Variants in TAFA1 observed in about 807,000 individuals in gnomAD.
The protein encoded by TAFA1 is TAFA chemokine like family member 1, also known as chemokine-like protein TAFA-1.
In TAFA1, 4 loss-of-function variants were observed where a neutral mutation model predicts 18.5. The observed-to-expected ratio is 0.22, with a 90% CI of 0.11 to 0.49. TAFA1 has a LOEUF of 0.49. Ranked by LOEUF, TAFA1 falls within the 20% of genes least tolerant of loss-of-function variation. The pLI is 0.98. For synonymous variants in TAFA1, 56 were observed against 55.2 expected (o/e 1.01, Z -0.06); for missense variants, 147 against 169.0 (o/e 0.87, Z 0.72).
chr3:68,438,718 C>A (rs1164763240), intron 3 of TAFA1, among the ~76,000 whole-genome samples: 1 of 152,164 alleles, frequency 6.6e-6, no homozygotes, highest in East Asian at 1.9e-4. Context: ...TCTTTGAAAT[C>A]TAGGTGAAGG....
At chr3:68,259,149 A>T (rs2067357546) in intron 2 of TAFA1, among the ~76,000 whole-genome samples, 1 of 152,124 alleles carries the variant, frequency 6.6e-6, no homozygotes, top group Non-Finnish European at 1.5e-5. Context: ...GGTCTTTGGG[A>T]CTGCATTTTG....
At chr3:68,060,105 G>A (rs2064583294) in intron 2 of TAFA1, among the ~76,000 whole-genome samples, 2 of 152,166 alleles carry the variant, frequency 1.3e-5, no homozygotes, top group Non-Finnish European at 2.9e-5. Flanking sequence ...AAAAAACTGG[G>A]AAGGAAAATT....
At chr3:68,159,217 T>G (rs2065898551) in intron 2 of TAFA1, among the ~76,000 whole-genome samples, 1 of 152,174 alleles carries the variant, frequency 6.6e-6, no homozygotes, top group South Asian at 2.1e-4. Context: ...GGAGCCCCAT[T>G]CTGAGATCAG....
intron 2 of TAFA1, among the ~76,000 whole-genome samples, chr3:68,358,273 A>G (rs2069401752): frequency 6.6e-6 from 1 of 151,894 alleles, no homozygotes; most frequent in African/African-American, 2.4e-5. Flanking sequence ...TTTTTTTTAT[A>G]TCCTGGAGAT....
At chr3:68,355,054 T>A (rs1487436978) in intron 2 of TAFA1, among the ~76,000 whole-genome samples, 1 of 151,974 alleles carries the variant, frequency 6.6e-6, no homozygotes, top group African/African-American at 2.4e-5. Context: ...GGTGTGAAAT[T>A]TCTGGACAAG....
chr3:68,173,464 C>T (rs778220204), intron 2 of TAFA1, among the ~76,000 whole-genome samples: 24 of 152,110 alleles, frequency 1.6e-4, no homozygotes, highest in Non-Finnish European at 3.4e-4. Flanking sequence ...ACAACTTTGA[C>T]ATTATGTCTG....
intron 2 of TAFA1, among the ~76,000 whole-genome samples, chr3:68,144,320 A>G (rs1189827524): frequency 6.6e-6 from 1 of 152,052 alleles, no homozygotes. Flanking sequence ...CATACTATTT[A>G]TCTGATGGTT....
chr3:68,118,260 C>T (rs1453015650), intron 2 of TAFA1, among the ~76,000 whole-genome samples: 1 of 152,138 alleles, frequency 6.6e-6, no homozygotes, highest in Non-Finnish European at 1.5e-5. Flanking sequence ...TCTCAAGGAG[C>T]ACACAACCTA....
intron 2 of TAFA1, among the ~76,000 whole-genome samples, chr3:68,241,596 G>A (rs2067001224): frequency 6.6e-6 from 1 of 152,076 alleles, no homozygotes; most frequent in Non-Finnish European, 1.5e-5. Context: ...ACTTCCCATG[G>A]TGCCTTGGGA....
At chr3:68,221,330 G>A (rs527724388) in intron 2 of TAFA1, among the ~76,000 whole-genome samples, 27 of 152,206 alleles carry the variant, frequency 1.8e-4, no homozygotes, top group African/African-American at 6.5e-4. Flanking sequence ...GTCTAAAAAG[G>A]GGGGGATGGG....
chr3:68,366,476 T>C (rs1052495098), intron 2 of TAFA1, among the ~76,000 whole-genome samples: 13 of 152,198 alleles, frequency 8.5e-5, no homozygotes, highest in African/African-American at 2.9e-4. Context: ...CATTACACAA[T>C]GTAGTGTTGA....
rs545029932 is a variant in TAFA1 at position 68,029,610 on chromosome 3, A to T, written c.118+22866A>T. 7.9e-5 allele frequency among the ~76,000 whole-genome samples: 12 copies of T among 152,342 alleles called. No individual in the cohort carries two copies. The East Asian group carries it at 2.1e-3, about 27-fold the overall frequency. ...CCTGGGACCTCCTTGTACAGTGGCC[A>T]GTGGCTACTGTCTTATATTCTGCCA... On this transcript the variant is annotated intron_variant, in intron 2 of 4. Transcript: ENST00000478136.
At chr3:68,118,301 T>G (rs1044790915) in intron 2 of TAFA1, among the ~76,000 whole-genome samples, 2 of 151,918 alleles carry the variant, frequency 1.3e-5, no homozygotes, top group Non-Finnish European at 2.9e-5. Flanking sequence ...CATAATAGGG[T>G]TCTCACTACC....
intron 2 of TAFA1, among the ~76,000 whole-genome samples, chr3:68,261,655 C>T (rs1474362068): frequency 6.6e-6 from 1 of 152,114 alleles, no homozygotes; most frequent in East Asian, 1.9e-4. Flanking sequence ...TCTCAGCAAA[C>T]TATCACAAGG....
chr3:68,028,397 C>T (rs1241324173), intron 2 of TAFA1, among the ~76,000 whole-genome samples: 1 of 150,252 alleles, frequency 6.7e-6, no homozygotes, highest in African/African-American at 2.4e-5. Flanking sequence ...AGAAGTTGAA[C>T]AAAAAGATGA....
At chr3:68,220,514 G>GA (rs927818088) in intron 2 of TAFA1, among the ~76,000 whole-genome samples, 66 of 144,648 alleles carry the variant, frequency 4.6e-4, no homozygotes, top group Middle Eastern at 3.5e-3. Context: ...GTGAAGAGAA[G>GA]AAAAAAAAAA....
In TAFA1 at chr3:68,382,855, A is replaced by G. The variant is rs188716772; in HGVS notation, c.119-34425A>G. ...TATACAAGAGTATGGAATGTTTTCC[A>G]TTTGTTTGTGTCATCTCTGATGTTG... On this transcript the variant is annotated intron_variant, in intron 2 of 4. Coordinates refer to ENST00000478136, the MANE Select transcript of TAFA1 (RefSeq NM_213609.4). 3.9e-3 allele frequency among the ~76,000 whole-genome samples: 599 copies of G among 152,148 alleles called. 1 individual carries two copies. The highest frequency in any genetic ancestry group is 6.6e-3 in the Non-Finnish European group (447 of 67,996).
At chr3:68,312,482 T>C (rs2106682350) in intron 2 of TAFA1, among the ~76,000 whole-genome samples, 1 of 152,230 alleles carries the variant, frequency 6.6e-6, no homozygotes, top group African/African-American at 2.4e-5. Context: ...CCCTAAACCA[T>C]CTCTCTCAGG....
In TAFA1 at chr3:68,423,400, C is replaced by T. The variant is rs538971037; in HGVS notation, c.259+5980C>T. Among the ~76,000 whole-genome samples, 5 of 152,192 alleles carry T rather than the reference C, an allele frequency of 3.3e-5. No individual in the cohort carries two copies. In the East Asian group the frequency reaches 9.7e-4, roughly 30 times the overall value. ...GTCATGGCATAGCCAGAAGGTCAGCCTGGGCTGTCTTCAGGGCTCATCATT... is the reference window on the plus strand; with the variant it reads ...GTCATGGCATAGCCAGAAGGTCAGCTTGGGCTGTCTTCAGGGCTCATCATT... On this transcript the variant is annotated intron_variant, in intron 3 of 4. Transcript: ENST00000478136.
Sources: allele counts gnomAD v4.1 joint callset (sites outside exome capture counted in the v4.1 genomes callset), GRCh38; gene constraint gnomAD v4.1.1; transcripts MANE v1.5; gene names NCBI Gene and HGNC (gene_info 2026-07-23, HGNC 2026-07-21).